The following COL4A3 variants were observed in gnomAD, a reference collection of about 807,000 sequenced individuals.
COL4A3 encodes the protein collagen alpha-3(IV) chain.
Under a neutral mutation model 217.4 loss-of-function variants are expected in COL4A3, and 135 were observed. The ratio of observed to expected loss-of-function variants is 0.62; its 90% CI spans 0.54 to 0.72. The LOEUF is 0.72. Among genes scored for constraint, COL4A3 ranks in the 30% least tolerant of loss-of-function variants. The pLI is 0.00. For synonymous variants in COL4A3, 690 were observed against 736.3 expected, an observed-to-expected ratio of 0.94 and a Z score of 1.02; for missense variants, 1,868 against 2,119.9, an observed-to-expected ratio of 0.88 and a Z score of 2.33.
intron 1 of COL4A3, among the ~76,000 whole-genome samples, chr2:227,214,321 C>T (rs1054321457): frequency 3.3e-5 from 5 of 152,152 alleles, no homozygotes; most frequent in African/African-American, 1.2e-4. Context: ...CTTAGATAGC[C>T]TTCAAACCCA....
At chr2:227,301,875 A>G (rs1326518926) in intron 43 of COL4A3, 1 of 152,186 alleles carries the variant, frequency 6.6e-6, no homozygotes, top group Non-Finnish European at 1.5e-5. Context: ...TCCTTTTTTA[A>G]CAACACTTTA....
chr2:227,236,023 C>CT (rs2068679288), intron 1 of COL4A3, among the ~76,000 whole-genome samples: 1 of 152,104 alleles, frequency 6.6e-6, no homozygotes, highest in Non-Finnish European at 1.5e-5. Flanking sequence ...ATCCGCCCCC[C>CT]TGGGCCTCGC....
intron 1 of COL4A3, among the ~76,000 whole-genome samples, chr2:227,234,116 G>A (rs1240725589): frequency 6.6e-6 from 1 of 152,184 alleles, no homozygotes; most frequent in South Asian, 2.1e-4. Flanking sequence ...CTGGGGTACA[G>A]TGTCATGTTG....
intron 17 of COL4A3, among the ~76,000 whole-genome samples, 184 bp from the exon 18 acceptor site, chr2:227,257,419 T>A (rs893053342): frequency 6.6e-6 from 1 of 152,220 alleles, no homozygotes; most frequent in Non-Finnish European, 1.5e-5. Context: ...GTAGATGGGA[T>A]TCCTTACCCA....
intron 17 of COL4A3, 108 bp from the exon 18 acceptor site, chr2:227,257,495 T>C (rs2070259916): frequency 3.3e-6 from 3 of 914,814 alleles, no homozygotes; most frequent in Non-Finnish European, 5.5e-6. Flanking sequence ...GGTTTGTACA[T>C]GACATCTACA....
At chr2:227,237,839 A>G (rs1429090102) in intron 1 of COL4A3, 129 bp from the exon 2 acceptor site, 2 of 730,472 alleles carry the variant, frequency 2.7e-6, no homozygotes, top group East Asian at 5.3e-5. Context: ...TATTGCTACA[A>G]GGTCACCTGG....
intron 1 of COL4A3, among the ~76,000 whole-genome samples, chr2:227,224,089 G>A (rs754497170): frequency 1.3e-5 from 2 of 152,192 alleles, no homozygotes; most frequent in Non-Finnish European, 2.9e-5. Flanking sequence ...CGCTCCGAAC[G>A]CAGTCAGCTT....
chr2:227,272,897 G>A (rs560237237), intron 25 of COL4A3, 52 bp from the exon 26 acceptor site: 1 of 1,580,422 alleles, frequency 6.3e-7, no homozygotes, highest in Non-Finnish European at 8.7e-7. Context: ...TTAACCTGTT[G>A]TAAGAATATA....
chr2:227,230,490 A>G (rs1004689827), intron 1 of COL4A3, among the ~76,000 whole-genome samples: 1 of 152,168 alleles, frequency 6.6e-6, no homozygotes, highest in Non-Finnish European at 1.5e-5. Flanking sequence ...AGAAATATCC[A>G]TTAGTTATGC....
intron 26 of COL4A3, among the ~76,000 whole-genome samples, chr2:227,275,169 C>CTGTTGTTGTTGT (rs200536643): frequency 6.6e-6 from 1 of 151,144 alleles, no homozygotes; most frequent in Non-Finnish European, 1.5e-5. Context: ...ACCAAATGCT[C>CTGTTGTTGTTGT]TGTTGTTGTT....
chr2:227,247,072 G>C (rs1054455841), intron 7 of COL4A3, among the ~76,000 whole-genome samples: 7 of 152,182 alleles, frequency 4.6e-5, no homozygotes, highest in African/African-American at 1.7e-4. Context: ...CAGCAGTGAT[G>C]TTGAGATCAA....
intron 41 of COL4A3, 29 bp downstream of exon 41, chr2:227,295,345 G>A: frequency 6.2e-7 from 1 of 1,607,454 alleles, no homozygotes; most frequent in Non-Finnish European, 8.5e-7. Flanking sequence ...CTGTCCTAAT[G>A]TACACATTTT....
intron 43 of COL4A3, chr2:227,301,888 C>G (rs2073301806): frequency 6.6e-6 from 1 of 152,218 alleles, no homozygotes; most frequent in Non-Finnish European, 1.5e-5. Flanking sequence ...ACACTTTATC[C>G]AAGCAATCAG....
In COL4A3 at chr2:227,202,830, TCTATGTGTATATATAC is replaced by T. The variant is rs1299868551; in HGVS notation, c.88-35137_88-35122del. Among the ~76,000 whole-genome samples the T allele has an allele frequency of 1.2e-3, 109 of 92,260 alleles. 1 individual carries two copies. The highest frequency in any genetic ancestry group is 3.8e-3 in the African/African-American group (101 of 26,724). The allele number at this position is 92,260 out of a possible 152,430, so 60.5% of individuals were successfully genotyped here. ...ATGTGTATATATACATATATGTGTATCTATGTGTATATATACATATGTGTATATATACATATATGTG... is the reference window on the plus strand; with the variant it reads ...ATGTGTATATATACATATATGTGTATATATGTGTATATATACATATATGTG... On this transcript the variant is annotated intron_variant, in intron 1 of 51. Coordinates refer to ENST00000396578, the MANE Select transcript of COL4A3 (RefSeq NM_000091.5).
At position 227,313,071 on chromosome 2, in the gene COL4A3, T is replaced by C. The variant is rs2073799835; in HGVS notation, c.*1201T>C. On this transcript the variant is annotated 3_prime_UTR_variant, in exon 52 of 52. Coordinates refer to ENST00000396578, the MANE Select transcript of COL4A3 (RefSeq NM_000091.5). ...TAAAACCTGCTTTTCAATGTGTTGA[T>C]ACATTCCCAAGGTTACTTAATTCAA... The C allele has an allele frequency of 6.6e-6, 1 of 152,618 alleles. No homozygotes were observed. The highest frequency in any genetic ancestry group is 6.5e-5 in the Admixed American group (1 of 15,276). The allele number at this position is 152,618 out of a possible 1,614,324, so 9.5% of individuals were successfully genotyped here.
At chr2:227,237,395 G>T (rs2125882262) in intron 1 of COL4A3, among the ~76,000 whole-genome samples, 1 of 152,210 alleles carries the variant, frequency 6.6e-6, no homozygotes, top group Admixed American at 6.5e-5. Context: ...AAGTTATTGT[G>T]GCTTTTGCCA....
Position 227,313,165 on chromosome 2 carries a change from G to T in COL4A3, c.*1295G>T, listed in dbSNP as rs964379399. 5.9e-5 allele frequency: 9 copies of T among 152,302 alleles called. No homozygotes were observed. The highest frequency in any genetic ancestry group is 2.2e-4 in the African/African-American group (9 of 41,418). The allele number at this position is 152,302 out of a possible 1,614,324, so 9.4% of individuals were successfully genotyped here. A position where few individuals can be genotyped will look rare whatever the true frequency, so the allele number is the denominator to read the frequency against. On this transcript the variant is annotated 3_prime_UTR_variant, in exon 52 of 52. Transcript: ENST00000396578. ...GTACTAACCTACAGAGATGCTAAGA[G>T]AAAAAAAAGACTTGTTTCTGATCTA... is the stretch of plus-strand genomic sequence containing the variant.
At chr2:227,170,350 A>G (rs1179597330) in intron 1 of COL4A3, among the ~76,000 whole-genome samples, 1 of 152,032 alleles carries the variant, frequency 6.6e-6, no homozygotes, top group East Asian at 1.9e-4. Context: ...TTTTCCTGCT[A>G]CTGATAATGA....
intron 16 of COL4A3, 136 bp from the exon 17 acceptor site, chr2:227,256,207 G>T: frequency 8.8e-7 from 1 of 1,142,372 alleles, no homozygotes; most frequent in Non-Finnish European, 1.3e-6. Context: ...GGGAATCATA[G>T]TTTTACATCC....
Sources: allele counts gnomAD v4.1 joint callset (sites outside exome capture counted in the v4.1 genomes callset), GRCh38; gene constraint gnomAD v4.1.1; transcripts MANE v1.5; gene names NCBI Gene and HGNC (gene_info 2026-07-23, HGNC 2026-07-21).